PCDH7: variants seen among roughly 807,000 people sequenced by gnomAD.
PCDH7 encodes the protein protocadherin-7.
Under a neutral mutation model 58.9 loss-of-function variants are expected in PCDH7, and 17 were observed. The ratio of observed to expected loss-of-function variants is 0.29; its 90% confidence interval spans 0.20 to 0.43. The LOEUF is 0.43. PCDH7 is among the 20% of genes least tolerant of loss of function. The pLI is 1.00. For synonymous variants in PCDH7, 664 were observed against 616.4 expected (o/e 1.08, Z -1.14); for missense variants, 1,274 against 1,441.0 (o/e 0.88, Z 1.88).
At chr4:31,110,648 GC>G (rs1263498511) in intron 3 of PCDH7, among the ~76,000 whole-genome samples, 3 of 152,128 alleles carry the variant, frequency 2.0e-5, no homozygotes, top group African/African-American at 7.2e-5. Flanking sequence ...GGGCGCGGTG[GC>G]TCACGCCTGT....
At chr4:31,031,730 G>C (rs1754932481) in intron 3 of PCDH7, among the ~76,000 whole-genome samples, 1 of 152,136 alleles carries the variant, frequency 6.6e-6, no homozygotes. Context: ...CCATCTCAGT[G>C]TAAGGAATTA....
intron 3 of PCDH7, among the ~76,000 whole-genome samples, chr4:31,072,493 G>A (rs897185153): frequency 3.9e-5 from 6 of 152,038 alleles, no homozygotes; most frequent in African/African-American, 1.4e-4. Context: ...AAATACAGAG[G>A]AAAGAAGCAG....
intron 3 of PCDH7, among the ~76,000 whole-genome samples, chr4:30,956,204 G>T (rs1747849375): frequency 6.6e-6 from 1 of 151,396 alleles, no homozygotes; most frequent in African/African-American, 2.4e-5. Context: ...CTCCAGCCTG[G>T]GCAACAGAGT....
chr4:31,120,137 T>C (rs955866304), intron 3 of PCDH7, among the ~76,000 whole-genome samples: 9 of 152,098 alleles, frequency 5.9e-5, no homozygotes, highest in African/African-American at 1.7e-4. Flanking sequence ...ACAAAGTCAA[T>C]GGCAAATATA....
chr4:31,137,455 A>G (rs1473824142), intron 3 of PCDH7, among the ~76,000 whole-genome samples: 1 of 152,138 alleles, frequency 6.6e-6, no homozygotes, highest in Non-Finnish European at 1.5e-5. Context: ...TTGGTGGTGC[A>G]TGCCTGTAGT....
chr4:30,912,515 T>C (rs1469082665), intron 1 of PCDH7, among the ~76,000 whole-genome samples: 1 of 151,928 alleles, frequency 6.6e-6, no homozygotes, highest in Non-Finnish European at 1.5e-5. Context: ...TTGGAAAAAA[T>C]AAAAAAGCCT....
intron 1 of PCDH7, among the ~76,000 whole-genome samples, chr4:30,862,963 AG>A (rs1734393789): frequency 6.6e-6 from 1 of 152,122 alleles, no homozygotes; most frequent in African/African-American, 2.4e-5. Flanking sequence ...TAAAAAAAAA[AG>A]ATTTTCCAAC....
intron 2 of PCDH7, among the ~76,000 whole-genome samples, chr4:30,943,159 A>G (rs893862960): frequency 1.3e-5 from 2 of 151,968 alleles, no homozygotes; most frequent in African/African-American, 4.8e-5. Flanking sequence ...GAACCTCCAT[A>G]TCAATTCTGC....
chr4:31,014,740 A>G (rs893709701), intron 3 of PCDH7, among the ~76,000 whole-genome samples: 4 of 152,190 alleles, frequency 2.6e-5, no homozygotes, highest in African/African-American at 9.6e-5. Context: ...TTCTTAAATG[A>G]TATCACAGAA....
chr4:30,754,773 T>A (rs1719052496), intron 1 of PCDH7, among the ~76,000 whole-genome samples: 1 of 147,024 alleles, frequency 6.8e-6, no homozygotes, highest in Non-Finnish European at 1.5e-5. Context: ...ACTTTTTTTT[T>A]GACATTATCT....
rs903229092 is a variant in PCDH7 at position 30,720,497 on chromosome 4, C to A, written c.-926C>A. 6.5e-6 allele frequency: 1 copy of A among 152,712 alleles called. No individual in the cohort carries two copies. The highest frequency in any genetic ancestry group is 1.9e-4 in the East Asian group (1 of 5,182). The allele number at this position is 152,712 out of a possible 1,614,324, so 9.5% of individuals were successfully genotyped here. The stretch of plus-strand genomic sequence containing the variant: ...CACGGTGCGCACTGCTCAGCCTTCG[C>A]CCCCGTGGGCGAAAGGCTGCTGCGG... On this transcript the variant is annotated 5_prime_UTR_variant, in exon 1 of 2. Transcript: ENST00000361762. The surrounding 1 kb of genome is among the most constrained non-coding windows in gnomAD (Gnocchi z 4.7).
intron 2 of PCDH7, among the ~76,000 whole-genome samples, chr4:30,949,118 T>A (rs1268527877): frequency 6.6e-6 from 1 of 152,184 alleles, no homozygotes; most frequent in Non-Finnish European, 1.5e-5. Context: ...TATTTGTGTA[T>A]GAAGTCACAC....
chr4:30,968,989 A>C (rs982894091), intron 3 of PCDH7, among the ~76,000 whole-genome samples: 5 of 152,152 alleles, frequency 3.3e-5, no homozygotes, highest in Admixed American at 3.3e-4. Context: ...GATCCTGCAT[A>C]AAATTGTAAT....
chr4:30,754,832 G>A (rs1460689818), intron 1 of PCDH7, among the ~76,000 whole-genome samples: 1 of 152,082 alleles, frequency 6.6e-6, no homozygotes, highest in Non-Finnish European at 1.5e-5. Flanking sequence ...TTTGATGGGT[G>A]TACCTAATTG....
chr4:30,759,931 C>G (rs1719806589), intron 1 of PCDH7, among the ~76,000 whole-genome samples: 1 of 152,094 alleles, frequency 6.6e-6, no homozygotes, highest in Non-Finnish European at 1.5e-5. Flanking sequence ...GGGCTCTACT[C>G]CCCAATTCCC....
chr4:30,974,166 T>C (rs1255608477), intron 3 of PCDH7, among the ~76,000 whole-genome samples: 1 of 151,792 alleles, frequency 6.6e-6, no homozygotes, highest in Non-Finnish European at 1.5e-5. Context: ...CTTTCTTTCT[T>C]TCTTTTTCTC....
chr4:31,079,568 T>G (rs116158554), intron 3 of PCDH7, among the ~76,000 whole-genome samples: 1,659 of 150,200 alleles, frequency 0.011, 29 homozygotes, highest in African/African-American at 0.038. Context: ...TGTGGAGAGA[T>G]AGAAATTTTC....
chr4:31,061,184 T>G (rs141044125), intron 3 of PCDH7, among the ~76,000 whole-genome samples: 1 of 151,858 alleles, frequency 6.6e-6, no homozygotes, highest in Non-Finnish European at 1.5e-5. Flanking sequence ...ACACTGTCAG[T>G]GTTTTACTTA....
chr4:30,921,587 G>A (rs1743194975), intron 2 of PCDH7, among the ~76,000 whole-genome samples: 1 of 152,000 alleles, frequency 6.6e-6, no homozygotes, highest in Admixed American at 6.6e-5. Context: ...TATGATATCA[G>A]GGTCTGATGA....
Sources: gnomAD v4.1 joint callset for allele counts (sites outside exome capture counted in the v4.1 genomes callset) on GRCh38, gnomAD v4.1.1 for gene constraint, Gnocchi (gnomAD v3.1) non-coding constraint, MANE v1.5 for transcripts, NCBI Gene and HGNC (gene_info 2026-07-23, HGNC 2026-07-21) for gene names.